Variants in NTM observed in about 807,000 individuals in gnomAD.
The protein encoded by NTM is neurotrimin, also known as IgLON family member 2.
Under a neutral mutation model 42.1 loss-of-function variants are expected in NTM, and 13 were observed. The ratio of observed to expected loss-of-function variants is 0.31; its 90% CI spans 0.20 to 0.49. The LOEUF (loss-of-function observed/expected upper bound fraction) is 0.49, where lower values mean the gene tolerates loss of function less well. Among genes scored for constraint, NTM ranks in the 20% least tolerant of loss-of-function variants. The pLI, the probability that NTM is intolerant of heterozygous loss-of-function variation, is 0.99. For missense variants in NTM, 373 were observed against 452.8 expected, an observed-to-expected ratio of 0.82 and a Z score of 1.60; for synonymous variants, 187 against 179.2, an observed-to-expected ratio of 1.04 and a Z score of -0.35.
intron 2 of NTM, among the ~76,000 whole-genome samples, chr11:131,951,687 T>C (rs2061000610): frequency 6.6e-6 from 1 of 151,682 alleles, no homozygotes; most frequent in South Asian, 2.1e-4. Context: ...CCAGGTGTGG[T>C]GGTGTGTGCC....
At chr11:131,867,523 TGTGTAA>T (rs550734116) in intron 1 of NTM, among the ~76,000 whole-genome samples, 14 of 151,814 alleles carry the variant, frequency 9.2e-5, no homozygotes, top group South Asian at 2.1e-4. Context: ...ACGTGTGTAT[TGTGTAA>T]GTGTATCTGT....
At chr11:131,770,002 G>A (rs1591718338) in intron 1 of NTM, among the ~76,000 whole-genome samples, 1 of 152,166 alleles carries the variant, frequency 6.6e-6, no homozygotes, top group South Asian at 2.1e-4. Context: ...GACCAGTCAG[G>A]CAGATCTCTC....
At chr11:132,325,522 T>C (rs2136346600) in intron 7 of NTM, among the ~76,000 whole-genome samples, 1 of 152,088 alleles carries the variant, frequency 6.6e-6, no homozygotes, top group South Asian at 2.1e-4. Flanking sequence ...AAACAACAGG[T>C]GCTGGAGAGG....
chr11:131,709,046 TACAGGGA>T (rs2076858173), intron 1 of NTM, among the ~76,000 whole-genome samples: 1 of 152,026 alleles, frequency 6.6e-6, no homozygotes, highest in Non-Finnish European at 1.5e-5. Flanking sequence ...AAACATTCTA[TACAGGGA>T]AAAAAAGGTG....
chr11:131,564,458 G>GA, intron 1 of NTM, among the ~76,000 whole-genome samples: 5 of 125,802 alleles, frequency 4.0e-5, no homozygotes, highest in African/African-American at 1.8e-4. Flanking sequence ...GAGAGAGAGG[G>GA]AGGGAGAGAG....
chr11:132,109,617 G>A (rs543758799), intron 2 of NTM, among the ~76,000 whole-genome samples: 3 of 152,192 alleles, frequency 2.0e-5, no homozygotes, highest in East Asian at 1.9e-4. Context: ...AGACCTACAC[G>A]AGTTAGCCCC....
intron 2 of NTM, among the ~76,000 whole-genome samples, chr11:132,057,006 A>G (rs2079795418): frequency 6.6e-6 from 1 of 152,186 alleles, no homozygotes; most frequent in Non-Finnish European, 1.5e-5. Context: ...TGAATACTTC[A>G]CTGCATTCTT....
rs550923822 is a variant in NTM, at chr11:131,675,263, G to A, written c.83-236301G>A. Among the ~76,000 whole-genome samples, 4 of 152,178 alleles carry A rather than the reference G, an allele frequency of 2.6e-5. No homozygotes were observed. In the East Asian group the frequency reaches 5.8e-4, roughly 22 times the overall value. ...ACAGCAGAGTAGCTCATCTGTTGTC[G>A]ACTGGCTTTCTTGGCTCAAACCCAA... On this transcript the variant is annotated intron_variant, in intron 1 of 8. Coordinates refer to ENST00000683400, the MANE Select transcript of NTM (RefSeq NM_001352005.2).
intron 4 of NTM, among the ~76,000 whole-genome samples, chr11:132,246,931 C>T (rs992033861): frequency 3.3e-5 from 5 of 152,220 alleles, no homozygotes; most frequent in African/African-American, 4.8e-5. Flanking sequence ...CACTGTCCTG[C>T]GTCTTCCCAG....
intron 2 of NTM, among the ~76,000 whole-genome samples, chr11:132,111,009 A>T (rs951545274): frequency 7.0e-6 from 1 of 143,734 alleles, no homozygotes; most frequent in Admixed American, 7.2e-5. Context: ...AGCTACAATG[A>T]GCCATGATTG....
intron 1 of NTM, among the ~76,000 whole-genome samples, chr11:131,540,024 C>T (rs866762105): frequency 2.6e-5 from 4 of 152,274 alleles, no homozygotes; most frequent in Middle Eastern, 3.4e-3. Context: ...TTGCTCACTA[C>T]GGTCCTGTCA....
At chr11:132,155,626 G>A (rs932203996) in intron 3 of NTM, among the ~76,000 whole-genome samples, 1 of 152,152 alleles carries the variant, frequency 6.6e-6, no homozygotes, top group Non-Finnish European at 1.5e-5. Flanking sequence ...TCACAGTTTT[G>A]TTTGGGCATG....
intron 1 of NTM, among the ~76,000 whole-genome samples, chr11:131,844,559 T>G (rs2044684138): frequency 6.6e-6 from 1 of 152,218 alleles, no homozygotes. Flanking sequence ...TATTTTTGTA[T>G]GAATTGACAT....
intron 1 of NTM, among the ~76,000 whole-genome samples, chr11:131,821,533 C>T (rs890323437): frequency 6.6e-6 from 1 of 152,358 alleles, no homozygotes. Context: ...CTTAACTTCT[C>T]AGATGCTGTC....
At chr11:131,963,592 G>A (rs2062470835) in intron 2 of NTM, among the ~76,000 whole-genome samples, 1 of 152,200 alleles carries the variant, frequency 6.6e-6, no homozygotes, top group Admixed American at 6.5e-5. Flanking sequence ...CACTGAGCAG[G>A]TTATTGTTGG....
chr11:131,827,465 A>T (rs1028864175), intron 1 of NTM, among the ~76,000 whole-genome samples: 1 of 152,154 alleles, frequency 6.6e-6, no homozygotes, highest in African/African-American at 2.4e-5. Flanking sequence ...GGACAAAGGG[A>T]TGTAAGAGGG....
intron 1 of NTM, among the ~76,000 whole-genome samples, chr11:131,789,494 A>AAGAAGAAGAAGAAGAAAG: frequency 2.6e-4 from 1 of 3,864 alleles, no homozygotes; most frequent in Non-Finnish European, 4.9e-4. Context: ...GAAGAAGAGG[A>AAGAAGAAGAAGAAGAAAG]AAGAAGAAGA....
intron 1 of NTM, among the ~76,000 whole-genome samples, chr11:131,466,958 C>T (rs1483982480): frequency 6.6e-6 from 1 of 152,190 alleles, no homozygotes; most frequent in Non-Finnish European, 1.5e-5. Flanking sequence ...CTCACTGACA[C>T]ACACGTGTGC....
chr11:132,185,737 G>T (rs2078289997), intron 3 of NTM, among the ~76,000 whole-genome samples: 1 of 152,118 alleles, frequency 6.6e-6, no homozygotes, highest in African/African-American at 2.4e-5. Flanking sequence ...TATGGAGGAG[G>T]GTTGGAAGTT....
Sources: gnomAD v4.1 joint callset for allele counts (sites outside exome capture counted in the v4.1 genomes callset) on GRCh38, gnomAD v4.1.1 for gene constraint, MANE v1.5 for transcripts, NCBI Gene and HGNC (gene_info 2026-07-23, HGNC 2026-07-21) for gene names.